Variants in PDGFRA observed in about 807,000 individuals in gnomAD.
PDGFRA encodes platelet derived growth factor receptor alpha.
PDGFRA carries 25 observed loss-of-function variants against 121.5 expected under a neutral mutation model. The observed-to-expected ratio is 0.21, with a 90% confidence interval of 0.15 to 0.29. The LOEUF (loss-of-function observed/expected upper bound fraction) is 0.29. PDGFRA is among the 10% of genes least tolerant of loss of function. The pLI, the probability that PDGFRA is intolerant of heterozygous loss-of-function variation, is 1.00. For synonymous variants in PDGFRA, 463 were observed against 494.8 expected, an observed-to-expected ratio of 0.94 and a Z score of 0.85; for missense variants, 1,008 against 1,345.1, an observed-to-expected ratio of 0.75 and a Z score of 3.92.
At chr4:54,255,042 T>C (rs2110225581) in intron 1 of PDGFRA, among the ~76,000 whole-genome samples, 1 of 152,254 alleles carries the variant, frequency 6.6e-6, no homozygotes, top group South Asian at 2.1e-4. Context: ...GACCATATGG[T>C]GAAGTGGAGA....
At chr4:54,277,606 C>T (rs1723810690) in intron 13 of PDGFRA, 114 bp downstream of exon 13, 1 of 774,076 alleles carries the variant, frequency 1.3e-6, no homozygotes, top group South Asian at 1.5e-5. Context: ...GGACTAGGTC[C>T]TGATTATTTT....
intron 1 of PDGFRA, among the ~76,000 whole-genome samples, chr4:54,248,580 G>T (rs1319464654): frequency 6.6e-6 from 1 of 152,184 alleles, no homozygotes; most frequent in Admixed American, 6.5e-5. Flanking sequence ...ATGGATTAAA[G>T]ACTTAAACGT....
chr4:54,283,729 C>G (rs1560487583), intron 16 of PDGFRA, among the ~76,000 whole-genome samples: 2 of 152,174 alleles, frequency 1.3e-5, no homozygotes, highest in Admixed American at 1.3e-4. Context: ...CATGGCCAAG[C>G]TACAAATTTT....
chr4:54,252,254 T>C (rs1227297551), intron 1 of PDGFRA, among the ~76,000 whole-genome samples: 1 of 152,224 alleles, frequency 6.6e-6, no homozygotes, highest in African/African-American at 2.4e-5. Flanking sequence ...ACCCAGTTCA[T>C]GGAAAGCCTT....
At chr4:54,260,562 G>A (rs1722642876) in intron 2 of PDGFRA, among the ~76,000 whole-genome samples, 1 of 151,698 alleles carries the variant, frequency 6.6e-6, no homozygotes, top group Non-Finnish European at 1.5e-5. Flanking sequence ...AGCACACCTG[G>A]CTAATTTTTT....
chr4:54,265,220 C>A, intron 5 of PDGFRA, 171 bp downstream of exon 5: 1 of 662,354 alleles, frequency 1.5e-6, no homozygotes, highest in Non-Finnish European at 2.8e-6. Context: ...ACTCCTTGAT[C>A]AATGGGAGAG....
Position 54,263,939 on chromosome 4 carries a change from A to T in PDGFRA, c.628+12A>T, listed in dbSNP as rs751180750. On this transcript the variant is annotated intron_variant, in intron 4 of 22. Transcript: ENST00000257290. ...TTATGCTTTAAAAGGTACTTGTATC[A>T]TCTCCTTCCTTCTTTAAATAAGAGT... The T allele has an allele frequency of 6.2e-7, 1 of 1,612,382 alleles. No individual in the cohort carries two copies. The highest frequency in any genetic ancestry group is 1.7e-5 in the Admixed American group (1 of 59,942).
Position 54,265,114 on chromosome 4 carries a change from G to A in PDGFRA, c.759+65G>A, listed in dbSNP as rs1048107603. The A allele has an allele frequency of 1.4e-5, 21 of 1,523,318 alleles. No individual in the cohort carries two copies. The Middle Eastern group carries it at 8.5e-4, about 62-fold the overall frequency. The allele number at this position is 1,523,318 out of a possible 1,614,324, so 94.4% of individuals were successfully genotyped here. The stretch of plus-strand genomic sequence containing the variant: ...AACAGGGCTCAGAAGACCTGCATTT[G>A]AGCTCGGTCTGTCACTGATGGGCAC... On this transcript the variant is annotated intron_variant, in intron 5 of 22. Coordinates refer to ENST00000257290, the MANE Select transcript of PDGFRA (RefSeq NM_006206.6).
chr4:54,230,890 G>T lies in PDGFRA; in HGVS notation c.-13+1475G>T, dbSNP rs193139025. Among the ~76,000 whole-genome samples the T allele has an allele frequency of 7.9e-5, 12 of 152,326 alleles. No individual in the cohort carries two copies. The East Asian group carries it at 2.3e-3, about 29-fold the overall frequency. ...CGGCTGCGCCCAGGGAGCGGGCGGCGTCCATTTGGCATTGAATATGTGGGA... is the reference window on the plus strand; with the variant it reads ...CGGCTGCGCCCAGGGAGCGGGCGGCTTCCATTTGGCATTGAATATGTGGGA... On this transcript the variant is annotated intron_variant, in intron 1 of 22. Coordinates refer to ENST00000257290, the MANE Select transcript of PDGFRA (RefSeq NM_006206.6).
chr4:54,255,567 G>A (rs1281487517), intron 1 of PDGFRA, among the ~76,000 whole-genome samples: 3 of 149,104 alleles, frequency 2.0e-5, no homozygotes, highest in Non-Finnish European at 3.0e-5. Flanking sequence ...GTGCAGTGGC[G>A]CGATCTTGGC....
Position 54,295,398 on chromosome 4 carries a change from C to A in PDGFRA, c.*126C>A. On this transcript the variant is annotated 3_prime_UTR_variant, in exon 23 of 23. Transcript: ENST00000257290. Reference sequence around the variant, plus strand: ...TGATGTTTAAAGAGAAGTTCCCAGCCAAGGGCCTCGGGGAGCGTTCTAAAT... The same window carrying A: ...TGATGTTTAAAGAGAAGTTCCCAGCAAAGGGCCTCGGGGAGCGTTCTAAAT... The A allele has an allele frequency of 1.1e-6, 1 of 918,748 alleles. No individual in the cohort carries two copies. The highest frequency in any genetic ancestry group is 1.7e-6 in the Non-Finnish European group (1 of 573,742). 56.9% of individuals were successfully genotyped at this position (918,748 alleles called of 1,614,324 possible).
chr4:54,270,272 G>A (rs1723269111), intron 7 of PDGFRA, among the ~76,000 whole-genome samples: 1 of 152,134 alleles, frequency 6.6e-6, no homozygotes, highest in Admixed American at 6.5e-5. Context: ...TTTAGGGGAA[G>A]CAAGTATTTT....
chr4:54,278,216 T>G (rs1723849695), intron 14 of PDGFRA, 146 bp from the exon 15 acceptor site: 1 of 669,818 alleles, frequency 1.5e-6, no homozygotes, highest in Admixed American at 3.4e-5. Flanking sequence ...CATTCATGGC[T>G]CTTTATTAAA....
At chr4:54,259,134 G>T (rs2110236380) in intron 2 of PDGFRA, among the ~76,000 whole-genome samples, 1 of 152,094 alleles carries the variant, frequency 6.6e-6, no homozygotes, top group South Asian at 2.1e-4. Flanking sequence ...GCTTCTATTA[G>T]AGCTGGATTA....
At position 54,273,554 on chromosome 4, in the gene PDGFRA, C is replaced by G. The variant is rs2110291380; in HGVS notation, c.1382C>G (p.Ser461Cys). The G allele has an allele frequency of 6.2e-7, 1 of 1,614,054 alleles. No homozygotes were observed. The highest frequency in any genetic ancestry group is 8.5e-7 in the Non-Finnish European group (1 of 1,179,960). ...CTCTCTAGATGTAATAATGAAACTT[C>G]CTGGACTATTTTGGCCAACAATGTC... is the stretch of plus-strand genomic sequence containing the variant. ...KDIKKCNNET[S>C]WTILANNVSN... The change falls in exon 10 of 23, where the codon TCC becomes TGC. Residue 461 changes from serine to cysteine, a missense_variant. Around this residue, in one of 5 missense-constraint regions of PDGFRA, gnomAD observed 575 missense variants for 701.8 expected, o/e 0.82. Transcript: ENST00000257290.
intron 1 of PDGFRA, among the ~76,000 whole-genome samples, chr4:54,238,081 T>C (rs191012605): frequency 1.6e-4 from 25 of 152,360 alleles, no homozygotes; most frequent in Non-Finnish European, 2.6e-4. Flanking sequence ...ATGCAAACTT[T>C]GGCTTAGTAA....
intron 1 of PDGFRA, among the ~76,000 whole-genome samples, chr4:54,241,160 T>C (rs954910132): frequency 3.9e-5 from 6 of 152,224 alleles, no homozygotes; most frequent in African/African-American, 1.4e-4. Context: ...AAATAAATTC[T>C]TTTTGGCCAA....
intron 1 of PDGFRA, among the ~76,000 whole-genome samples, chr4:54,241,785 T>C (rs1018340097): frequency 1.1e-4 from 16 of 152,000 alleles, no homozygotes; most frequent in Non-Finnish European, 2.1e-4. Context: ...CTGACCTCAG[T>C]TGATCCACCC....
chr4:54,241,123 G>A (rs1232434569), intron 1 of PDGFRA, among the ~76,000 whole-genome samples: 3 of 152,126 alleles, frequency 2.0e-5, no homozygotes, highest in Non-Finnish European at 2.9e-5. Flanking sequence ...CTGTATAAAT[G>A]TGCCAAAGAA....
Sources: allele counts gnomAD v4.1 joint callset (sites outside exome capture counted in the v4.1 genomes callset), GRCh38; gene constraint gnomAD v4.1.1; regional missense constraint gnomAD v4.1.1; transcripts MANE v1.5; gene names NCBI Gene and HGNC (gene_info 2026-07-23, HGNC 2026-07-21).